Variants in TRIOBP observed in about 807,000 individuals in gnomAD.
TRIOBP encodes the protein TRIO and F-actin-binding protein.
Under a neutral mutation model 238.8 loss-of-function variants are expected in TRIOBP, and 169 were observed. The observed-to-expected ratio is 0.71, with a 90% confidence interval of 0.62 to 0.80. TRIOBP has a LOEUF of 0.80. Among genes scored for constraint, TRIOBP ranks in the 30% least tolerant of loss-of-function variants. The probability of loss-of-function intolerance (pLI) is 0.00; values close to 1 mark genes in which losing one functional copy is unlikely to be tolerated. For missense variants in TRIOBP, 2,838 were observed against 3,122.6 expected, an observed-to-expected ratio of 0.91 and a Z score of 2.17; for synonymous variants, 1,150 against 1,274.4, an observed-to-expected ratio of 0.90 and a Z score of 2.08.
At chr22:37,736,714 G>GC (rs988846645) in intron 9 of TRIOBP, among the ~76,000 whole-genome samples, 1 of 152,020 alleles carries the variant, frequency 6.6e-6, no homozygotes, top group African/African-American at 2.4e-5. Flanking sequence ...TGCAACCTCC[G>GC]CCCCCCAGGT....
intron 4 of TRIOBP, 22 bp from the exon 5 acceptor site, chr22:37,713,188 T>G: frequency 6.2e-7 from 1 of 1,605,502 alleles, no homozygotes. Flanking sequence ...CCATTACTTT[T>G]TGGGTCTGTC....
chr22:37,710,176 T>G (rs1923162054), intron 3 of TRIOBP, among the ~76,000 whole-genome samples: 1 of 152,228 alleles, frequency 6.6e-6, no homozygotes, highest in Non-Finnish European at 1.5e-5. Flanking sequence ...TACCAGGCCT[T>G]TATCCACACA....
chr22:37,710,737 C>CA (rs1323702730), intron 4 of TRIOBP, among the ~76,000 whole-genome samples, 171 bp downstream of exon 4: 1 of 33,656 alleles, frequency 3.0e-5, no homozygotes, highest in East Asian at 1.9e-3. Flanking sequence ...GCTCCTTGGG[C>CA]CCACAGGAAG....
intron 22 of TRIOBP, chr22:37,771,988 T>C (rs1020456103): frequency 1.2e-5 from 7 of 578,902 alleles, no homozygotes; most frequent in African/African-American, 5.5e-5. Context: ...TTGATTATTA[T>C]TGAGCACCTA....
Position 37,776,052 on chromosome 22 carries a change from C to G in TRIOBP, c.*2272C>G, listed in dbSNP as rs1927015720. ...CCCACCGTCCCCCCAAGACAGCTCT[C>G]CATCCCATCCTCTGCCTCCCTTCTA... On this transcript the variant is annotated 3_prime_UTR_variant, in exon 24 of 24. Transcript: ENST00000644935. 6.6e-6 allele frequency: 1 copy of G among 152,308 alleles called. No individual in the cohort carries two copies. Among genetic ancestry groups the G allele is most frequent in the South Asian group, 2.1e-4 (1 of 4,832 alleles). 9.4% of individuals were successfully genotyped at this position (152,308 alleles called of 1,614,324 possible). A position where few individuals can be genotyped will look rare whatever the true frequency, so the allele number is the denominator to read the frequency against.
At chr22:37,718,105 G>C (rs1476071558) in intron 6 of TRIOBP, among the ~76,000 whole-genome samples, 4 of 152,154 alleles carry the variant, frequency 2.6e-5, no homozygotes, top group Admixed American at 6.5e-5. Flanking sequence ...TCATTGCCCG[G>C]GGCCGGCAGG....
At chr22:37,726,620 G>A (rs971033049) in intron 7 of TRIOBP, 117 bp downstream of exon 7, 25 of 1,119,996 alleles carry the variant, frequency 2.2e-5, no homozygotes, top group Admixed American at 3.5e-5. Context: ...GCCATTTACC[G>A]GCTGTGTGAC....
chr22:37,746,942 C>A (rs1275936372), intron 11 of TRIOBP, among the ~76,000 whole-genome samples: 2 of 152,162 alleles, frequency 1.3e-5, no homozygotes, highest in African/African-American at 4.8e-5. Context: ...GACCGCCCCA[C>A]CCACAGCCCG....
chr22:37,769,926 A>G (rs897999959), intron 21 of TRIOBP, among the ~76,000 whole-genome samples: 1 of 151,372 alleles, frequency 6.6e-6, no homozygotes, highest in Non-Finnish European at 1.5e-5. Flanking sequence ...GACAAGTTTC[A>G]CTATGTTGGC....
At chr22:37,719,129 G>C (rs1923693341) in intron 6 of TRIOBP, among the ~76,000 whole-genome samples, 1 of 150,978 alleles carries the variant, frequency 6.6e-6, no homozygotes, top group African/African-American at 2.4e-5. Flanking sequence ...CTTGAACTTG[G>C]GAGGTGGAGG....
At chr22:37,746,263 A>G (rs1185024966) in intron 11 of TRIOBP, 62 of 1,050,824 alleles carry the variant, frequency 5.9e-5, no homozygotes, top group Non-Finnish European at 7.0e-5. Flanking sequence ...GGGCCGGGGC[A>G]GCGTCGGGGA....
chr22:37,711,005 C>T (rs536325433), intron 4 of TRIOBP, among the ~76,000 whole-genome samples: 9 of 152,358 alleles, frequency 5.9e-5, no homozygotes, highest in South Asian at 4.1e-4. Flanking sequence ...CACCCACCTA[C>T]GTGGGTGTGC....
At chr22:37,763,509 G>A (rs1030836108) in intron 17 of TRIOBP, among the ~76,000 whole-genome samples, 7 of 152,168 alleles carry the variant, frequency 4.6e-5, no homozygotes, top group Admixed American at 2.0e-4. Flanking sequence ...CGGGGAGGTG[G>A]CCTTTGCGTG....
intron 11 of TRIOBP, among the ~76,000 whole-genome samples, chr22:37,745,899 C>G (rs568603420): frequency 6.6e-6 from 1 of 152,146 alleles, no homozygotes; most frequent in African/African-American, 2.4e-5. Flanking sequence ...GTGCCCACGC[C>G]CGGCCGCCCG....
chr22:37,698,442 C>A (rs985992691), intron 2 of TRIOBP, among the ~76,000 whole-genome samples: 1 of 147,940 alleles, frequency 6.8e-6, no homozygotes, highest in African/African-American at 2.5e-5. Flanking sequence ...CAACCTCCAC[C>A]TCCTGGGTTC....
intron 5 of TRIOBP, 107 bp downstream of exon 5, chr22:37,713,518 A>C (rs1923364654): frequency 2.1e-6 from 3 of 1,399,340 alleles, no homozygotes; most frequent in Non-Finnish European, 3.0e-6. Context: ...ACACCAGGGA[A>C]TCCGACGAGG....
At chr22:37,756,626 A>G (rs761722483) in intron 15 of TRIOBP, among the ~76,000 whole-genome samples, 12 of 152,322 alleles carry the variant, frequency 7.9e-5, no homozygotes, top group Middle Eastern at 3.4e-3. Context: ...GTCTCCCTTC[A>G]GAACAGCCCC....
At chr22:37,768,202 C>A in intron 19 of TRIOBP, 26 bp downstream of exon 19, 1 of 1,581,360 alleles carries the variant, frequency 6.3e-7, no homozygotes, top group African/African-American at 1.3e-5. Context: ...GGCCCAACTG[C>A]CCACCCTGAT....
chr22:37,715,784 C>T lies in TRIOBP; in HGVS notation c.478C>T (p.Gln160Ter). 2.5e-6 allele frequency: 4 copies of T among 1,614,010 alleles called. No individual in the cohort carries two copies. Among genetic ancestry groups the T allele is most frequent in the Non-Finnish European group, 3.4e-6 (4 of 1,180,018 alleles). ...SSVDWDTVER[Q>*]EEEAPSWDEL... ...GCAGGACTGGGACACTGTTGAGAGG[C>T]AGGAGGAGGAGGCCCCCAGCTGGGA... The change falls in exon 6 of 24, where the codon CAG (glutamine) becomes TAG (stop). Residue 160 changes from glutamine to a stop codon, truncating the protein, a stop_gained. Coordinates refer to ENST00000644935, the MANE Select transcript of TRIOBP (RefSeq NM_001039141.3). LOFTEE classifies it high-confidence loss of function.
Sources: gnomAD v4.1 joint callset for allele counts (sites outside exome capture counted in the v4.1 genomes callset) on GRCh38, gnomAD v4.1.1 for gene constraint, MANE v1.5 for transcripts, NCBI Gene and HGNC (gene_info 2026-07-23, HGNC 2026-07-21) for gene names.